LINGO2: variants seen among roughly 807,000 people sequenced by gnomAD.
LINGO2 encodes the protein leucine rich repeat and Ig domain containing 2, also known as leucine-rich repeat and immunoglobulin-like domain-containing nogo receptor-interacting protein 2.
In LINGO2, 14 loss-of-function variants were observed where a neutral mutation model predicts 30.6. The ratio of observed to expected loss-of-function variants is 0.46; its 90% confidence interval spans 0.30 to 0.72. LINGO2 has a LOEUF of 0.72. Ranked by LOEUF, LINGO2 falls within the 30% of genes least tolerant of loss-of-function variation. The pLI is 0.07. For missense variants in LINGO2, 729 were observed against 751.7 expected, an observed-to-expected ratio of 0.97 and a Z score of 0.35; for synonymous variants, 317 against 288.5, an observed-to-expected ratio of 1.10 and a Z score of -1.00.
At chr9:29,130,258 A>G in the LINGO2 span, among the ~76,000 whole-genome samples, 1 of 152,144 alleles carries the variant, frequency 6.6e-6, no homozygotes, top group Admixed American at 6.6e-5. Context: ...TATCAGAACA[A>G]AGGCAGCTAA....
intron 1 of LINGO2, among the ~76,000 whole-genome samples, chr9:28,575,385 A>C (rs1184485559): frequency 7.1e-6 from 1 of 140,900 alleles, no homozygotes; most frequent in African/African-American, 2.6e-5. Context: ...GGTGACAGAC[A>C]GACTCCGTCT....
the LINGO2 span, among the ~76,000 whole-genome samples, chr9:29,151,212 G>A: frequency 3.3e-5 from 5 of 152,036 alleles, no homozygotes; most frequent in Non-Finnish European, 7.4e-5. Context: ...AGCAATCAGA[G>A]AGGGAATTTG....
the LINGO2 span, among the ~76,000 whole-genome samples, chr9:29,171,645 C>A: frequency 6.6e-6 from 1 of 151,674 alleles, no homozygotes; most frequent in African/African-American, 2.4e-5. Flanking sequence ...AGCAATGATT[C>A]ATTAATATAA....
intron 5 of LINGO2, among the ~76,000 whole-genome samples, chr9:27,979,845 T>C (rs1820772014): frequency 6.6e-6 from 1 of 151,998 alleles, no homozygotes; most frequent in Admixed American, 6.6e-5. Context: ...TAATTAGTTC[T>C]TGCTCTGAAT....
chr9:28,792,712 A>G, the LINGO2 span, among the ~76,000 whole-genome samples: 5 of 152,170 alleles, frequency 3.3e-5, no homozygotes, highest in Non-Finnish European at 7.4e-5. Context: ...AAAATGTTTT[A>G]GTATCTCAAG....
chr9:28,499,909 C>T (rs1819817169), intron 1 of LINGO2, among the ~76,000 whole-genome samples: 1 of 152,030 alleles, frequency 6.6e-6, no homozygotes, highest in African/African-American at 2.4e-5. Context: ...GTCACACAAG[C>T]CACAAAAAAA....
intron 4 of LINGO2, among the ~76,000 whole-genome samples, chr9:28,214,420 C>T (rs1820695444): frequency 6.6e-6 from 1 of 151,532 alleles, no homozygotes; most frequent in African/African-American, 2.4e-5. Context: ...ATTCTTCTGT[C>T]TACCCGAAGA....
chr9:27,965,310 T>A (rs1235580143), intron 5 of LINGO2, among the ~76,000 whole-genome samples: 4 of 152,032 alleles, frequency 2.6e-5, no homozygotes, highest in African/African-American at 9.7e-5. Flanking sequence ...AGCTCTTAAC[T>A]TTTACCTTAT....
At chr9:28,027,833 G>T (rs951633588) in intron 4 of LINGO2, among the ~76,000 whole-genome samples, 3 of 152,116 alleles carry the variant, frequency 2.0e-5, no homozygotes. Context: ...AATTGGTAGT[G>T]ATGCTCTTGG....
At chr9:28,144,023 G>T (rs948843392) in intron 4 of LINGO2, among the ~76,000 whole-genome samples, 6 of 152,094 alleles carry the variant, frequency 3.9e-5, no homozygotes, top group African/African-American at 7.2e-5. Context: ...GTTAATAATG[G>T]ATATATTGAA....
At chr9:28,408,170 G>T (rs1822589831) in intron 2 of LINGO2, among the ~76,000 whole-genome samples, 1 of 152,042 alleles carries the variant, frequency 6.6e-6, no homozygotes, top group Non-Finnish European at 1.5e-5. Flanking sequence ...AACTTACAAG[G>T]TACCCTTGGG....
the LINGO2 span, among the ~76,000 whole-genome samples, chr9:29,206,907 G>A: frequency 6.6e-6 from 1 of 151,900 alleles, no homozygotes; most frequent in Non-Finnish European, 1.5e-5. Flanking sequence ...ATCATTACCT[G>A]CAAATAAAAT....
At chr9:28,211,152 C>A (rs1375227296) in intron 4 of LINGO2, among the ~76,000 whole-genome samples, 1 of 151,524 alleles carries the variant, frequency 6.6e-6, no homozygotes, top group Non-Finnish European at 1.5e-5. Flanking sequence ...AATATTTATT[C>A]AGTCAACATG....
Position 28,589,279 on chromosome 9 carries a change from T to C in LINGO2, c.-365+80921A>G, listed in dbSNP as rs1459225768. ...CCTCTCTCACCACTCCTATTCAACA[T>C]AGTGTTGGAAGTTCTGGCCAGGGCA... On this transcript the variant is annotated intron_variant, in intron 1 of 5. Coordinates refer to ENST00000379992, the Ensembl canonical transcript of LINGO2. Among the ~76,000 whole-genome samples, 13 of 152,144 alleles carry C rather than the reference T, an allele frequency of 8.5e-5. 1 individual carries two copies. The East Asian group carries it at 2.3e-3, about 27-fold the overall frequency.
the LINGO2 span, among the ~76,000 whole-genome samples, chr9:28,922,375 GA>G: frequency 6.8e-6 from 1 of 146,194 alleles, no homozygotes; most frequent in Non-Finnish European, 1.5e-5. Context: ...CAAAGAGTCA[GA>G]TTTTTTTTTT....
the LINGO2 span, among the ~76,000 whole-genome samples, chr9:28,968,941 A>G: frequency 1.3e-5 from 2 of 152,324 alleles, no homozygotes; most frequent in South Asian, 4.1e-4. Flanking sequence ...CCAAAGGAAC[A>G]TAGTGATTCT....
the LINGO2 span, among the ~76,000 whole-genome samples, chr9:29,064,672 TAC>T: frequency 6.6e-6 from 1 of 152,076 alleles, no homozygotes; most frequent in Admixed American, 6.6e-5. Context: ...AAATAATACA[TAC>T]AGTTATGATA....
intron 1 of LINGO2, among the ~76,000 whole-genome samples, chr9:28,617,873 A>C (rs1350206703): frequency 6.6e-6 from 1 of 152,160 alleles, no homozygotes; most frequent in African/African-American, 2.4e-5. Context: ...ACACACTTTC[A>C]ATTGCTTTTT....
chr9:28,883,616 A>ATGTG, the LINGO2 span, among the ~76,000 whole-genome samples: 17 of 16,970 alleles, frequency 1.0e-3, no homozygotes, highest in Admixed American at 2.2e-3. Context: ...TATATATAAA[A>ATGTG]TATGTGTGTG....
Sources: gnomAD v4.1 joint callset for allele counts (sites outside exome capture counted in the v4.1 genomes callset) on GRCh38, gnomAD v4.1.1 for gene constraint, MANE v1.5 for transcripts, NCBI Gene and HGNC (gene_info 2026-07-23, HGNC 2026-07-21) for gene names.